TIAM1: variants seen among roughly 807,000 people sequenced by gnomAD.
The protein encoded by TIAM1 is rho guanine nucleotide exchange factor TIAM1.
Under a neutral mutation model 163.5 loss-of-function variants are expected in TIAM1, and 65 were observed. That is an observed-to-expected ratio of 0.40 (90% confidence interval 0.33 to 0.49). TIAM1 has a LOEUF of 0.49. Among genes scored for constraint, TIAM1 ranks in the 20% least tolerant of loss-of-function variants. The pLI, the probability that TIAM1 is intolerant of heterozygous loss-of-function variation, is 0.77. For missense variants in TIAM1, 1,789 were observed against 2,044.7 expected, an observed-to-expected ratio of 0.87 and a Z score of 2.41; for synonymous variants, 833 against 810.1, an observed-to-expected ratio of 1.03 and a Z score of -0.48.
Position 31,265,996 on chromosome 21 carries a change from TTCAA to T in TIAM1, c.963+10_963+13del, listed in dbSNP as rs2072738628. The T allele has an allele frequency of 1.2e-6, 2 of 1,607,964 alleles. No homozygotes were observed. The highest frequency in any genetic ancestry group is 1.7e-6 in the Non-Finnish European group (2 of 1,176,286). Reference sequence around the variant, plus strand: ...CCATTCCCAAAATATTGAAACAAATTTCAATCACTTTACCTGAGTTGTTTTAGCT... The same window carrying T: ...CCATTCCCAAAATATTGAAACAAATTTCACTTTACCTGAGTTGTTTTAGCT... On this transcript the variant is annotated intron_variant, in intron 4 of 27. Transcript: ENST00000541036.
At chr21:31,343,867 G>C (rs1262941813) in intron 1 of TIAM1, among the ~76,000 whole-genome samples, 1 of 152,168 alleles carries the variant, frequency 6.6e-6, no homozygotes. Flanking sequence ...TTCAAAGCCC[G>C]AATCTCTTTA....
At chr21:31,398,744 T>C (rs1424042879) in intron 2 of TIAM1, among the ~76,000 whole-genome samples, 2 of 152,276 alleles carry the variant, frequency 1.3e-5, no homozygotes, top group African/African-American at 4.8e-5. Flanking sequence ...CGTCTGTGCC[T>C]GGGCAGATAT....
rs567136319 is a variant in TIAM1, at chr21:31,167,980, G to C, written c.2888-2915C>G. 2.6e-5 allele frequency among the ~76,000 whole-genome samples: 4 copies of C among 152,110 alleles called. No individual in the cohort carries two copies. In the East Asian group the frequency reaches 5.8e-4, roughly 22 times the overall value. ...CAGTCTAAAAAGACATAGACTAAAA[G>C]AGAAAAGTGCTCACTGGCAAAAGAA... On this transcript the variant is annotated intron_variant, in intron 15 of 27. Transcript: ENST00000541036.
At chr21:31,489,452 AAGAAAG>A (rs1160532460) in intron 1 of TIAM1, among the ~76,000 whole-genome samples, 20 of 143,722 alleles carry the variant, frequency 1.4e-4, no homozygotes, top group Non-Finnish European at 2.4e-4. Flanking sequence ...GAGGAGAAGA[AAGAAAG>A]AGAAAGAAAG....
chr21:31,420,361 C>T (rs962139881), intron 2 of TIAM1, among the ~76,000 whole-genome samples: 4 of 152,320 alleles, frequency 2.6e-5, no homozygotes, highest in South Asian at 4.1e-4. Context: ...GTTGCATCTC[C>T]TCTGGACATC....
chr21:31,485,885 G>A (rs1244664791), intron 1 of TIAM1, among the ~76,000 whole-genome samples: 1 of 152,160 alleles, frequency 6.6e-6, no homozygotes, highest in Non-Finnish European at 1.5e-5. Flanking sequence ...CACGAAGGGG[G>A]TGAGTTCCCT....
chr21:31,193,344 C>T (rs2085660073), intron 13 of TIAM1, among the ~76,000 whole-genome samples: 1 of 152,152 alleles, frequency 6.6e-6, no homozygotes, highest in Non-Finnish European at 1.5e-5. Context: ...ATGGTGAACG[C>T]CTACTTTCCT....
intron 25 of TIAM1, 117 bp downstream of exon 25, chr21:31,130,096 G>A (rs2070413): frequency 0.47 from 260,328 of 553,460 alleles, 47,771 homozygotes; most frequent in African/African-American, 0.75. Context: ...TAAGCATAGG[G>A]AAAAAAAAAA....
rs540494575 is a variant in TIAM1, at chr21:31,470,196, G to C, written c.-421-6161C>G. Among the ~76,000 whole-genome samples, 28 of 151,582 alleles carry C rather than the reference G, an allele frequency of 1.8e-4. 1 individual carries two copies. Among genetic ancestry groups the C allele is most frequent in the Middle Eastern group, 3.4e-3 (1 of 292 alleles). On this transcript the variant is annotated intron_variant, in intron 1 of 28. Coordinates refer to the TIAM1 transcript ENST00000286827. ...ATTTTTATATTTTTGGTAGAGACAG[G>C]GTTTCACCATATTGGCCAGGCTGGG... is the stretch of plus-strand genomic sequence containing the variant.
At chr21:31,431,289 T>TAC (rs202221063) in intron 2 of TIAM1, among the ~76,000 whole-genome samples, 2,041 of 152,338 alleles carry the variant, frequency 0.013, 36 homozygotes, top group African/African-American at 0.046. Context: ...CTGTACTGAA[T>TAC]GTGTCCATCT....
chr21:31,435,099 G>C (rs2044167543), intron 2 of TIAM1, among the ~76,000 whole-genome samples: 2 of 152,080 alleles, frequency 1.3e-5, no homozygotes, highest in African/African-American at 4.8e-5. Flanking sequence ...CAACATTCTT[G>C]CCAAGAACTT....
intron 2 of TIAM1, among the ~76,000 whole-genome samples, chr21:31,402,577 GCTT>G (rs765977686): frequency 5.3e-5 from 8 of 152,048 alleles, no homozygotes; most frequent in Non-Finnish European, 8.8e-5. Context: ...ACTTGAGAGA[GCTT>G]CTTCACATTT....
intron 12 of TIAM1, among the ~76,000 whole-genome samples, chr21:31,199,300 T>C (rs540490516): frequency 4.6e-5 from 7 of 152,126 alleles, no homozygotes; most frequent in Non-Finnish European, 1.0e-4. Context: ...ATGGGCCCAC[T>C]CATCTGCCAT....
chr21:31,279,954 T>C (rs1487437255), intron 2 of TIAM1, among the ~76,000 whole-genome samples: 3 of 152,090 alleles, frequency 2.0e-5, no homozygotes, highest in Non-Finnish European at 4.4e-5. Context: ...CTAATCCAGC[T>C]AGAAGATGCA....
chr21:31,444,755 T>C (rs140358414), intron 2 of TIAM1, among the ~76,000 whole-genome samples: 3,805 of 152,272 alleles, frequency 0.025, 93 homozygotes, highest in African/African-American at 0.064. Context: ...TGCCAGCACT[T>C]TGGGAGGCCA....
chr21:31,343,325 C>A (rs913413910), intron 1 of TIAM1, among the ~76,000 whole-genome samples: 2 of 152,200 alleles, frequency 1.3e-5, no homozygotes, highest in African/African-American at 4.8e-5. Context: ...TAAATCCTGT[C>A]TGTGAGAAGC....
At chr21:31,290,693 T>C (rs964796687) in intron 2 of TIAM1, among the ~76,000 whole-genome samples, 12 of 144,904 alleles carry the variant, frequency 8.3e-5, no homozygotes, top group African/African-American at 3.1e-4. Context: ...CAACAGATTA[T>C]GGAATAGCTT....
At chr21:31,188,988 GA>G (rs200650780) in intron 13 of TIAM1, among the ~76,000 whole-genome samples, 1,549 of 147,212 alleles carry the variant, frequency 0.011, 32 homozygotes, top group African/African-American at 0.036. Flanking sequence ...CAAGTCACCT[GA>G]AGCCAATTAG....
intron 2 of TIAM1, among the ~76,000 whole-genome samples, chr21:31,277,452 C>T (rs543224736): frequency 4.3e-4 from 65 of 152,326 alleles, no homozygotes; most frequent in African/African-American, 1.5e-3. Flanking sequence ...TCAAGACCAG[C>T]CTGGCCAACA....
Sources: gnomAD v4.1 joint callset for allele counts (sites outside exome capture counted in the v4.1 genomes callset) on GRCh38, gnomAD v4.1.1 for gene constraint, MANE v1.5 for transcripts, NCBI Gene and HGNC (gene_info 2026-07-23, HGNC 2026-07-21) for gene names.